Variants in ADGRL2 observed in about 807,000 individuals in gnomAD.
ADGRL2 encodes the protein adhesion G protein-coupled receptor L2.
In ADGRL2, 44 loss-of-function variants were observed where a neutral mutation model predicts 157.4. That is an observed-to-expected ratio of 0.28 (90% confidence interval 0.22 to 0.36). The LOEUF (loss-of-function observed/expected upper bound fraction) is 0.36, where lower values mean the gene tolerates loss of function less well. Ranked by LOEUF, ADGRL2 falls within the 10% of genes least tolerant of loss-of-function variation. The pLI, the probability that ADGRL2 is intolerant of heterozygous loss-of-function variation, is 1.00. For missense variants in ADGRL2, 1,510 were observed against 1,768.9 expected (o/e 0.85, Z 2.63); for synonymous variants, 585 against 624.7 (o/e 0.94, Z 0.95).
At chr1:81,556,832 C>T (rs1354411067) in intron 2 of ADGRL2, among the ~76,000 whole-genome samples, 11 of 151,840 alleles carry the variant, frequency 7.2e-5, no homozygotes, top group African/African-American at 2.7e-4. Flanking sequence ...AATCCCAGCA[C>T]TTTGGGAGGC....
intron 2 of ADGRL2, among the ~76,000 whole-genome samples, chr1:81,885,334 A>G (rs1186204762): frequency 1.3e-5 from 2 of 152,202 alleles, no homozygotes; most frequent in Non-Finnish European, 2.9e-5. Flanking sequence ...TTTAAAAAAA[A>G]TGTTTAACTT....
chr1:81,756,722 T>A (rs565076676), intron 1 of ADGRL2, among the ~76,000 whole-genome samples: 13 of 152,332 alleles, frequency 8.5e-5, no homozygotes, highest in Admixed American at 7.8e-4. Context: ...GTGATTTTTT[T>A]ATAGGCCAGC....
At chr1:81,929,265 G>T (rs958222411) in intron 3 of ADGRL2, among the ~76,000 whole-genome samples, 1 of 152,084 alleles carries the variant, frequency 6.6e-6, no homozygotes, top group African/African-American at 2.4e-5. Flanking sequence ...GCATCCTGTG[G>T]CCTGGAGACA....
chr1:81,522,305 G>T (rs905012751), intron 2 of ADGRL2, among the ~76,000 whole-genome samples: 1 of 152,040 alleles, frequency 6.6e-6, no homozygotes. Flanking sequence ...TAAAATCAGT[G>T]CTAGGAATTG....
intron 2 of ADGRL2, among the ~76,000 whole-genome samples, chr1:81,893,319 T>TTTGTTTTTTTTTTTTTTTTG (rs753014450): frequency 6.7e-6 from 1 of 150,250 alleles, no homozygotes; most frequent in Non-Finnish European, 1.5e-5. Context: ...CAATCCTGTC[T>TTTGTTTTTTTTTTTTTTTTG]TGTATTTTTC....
intron 2 of ADGRL2, among the ~76,000 whole-genome samples, chr1:81,883,642 C>T (rs1393746137): frequency 6.6e-6 from 1 of 152,170 alleles, no homozygotes; most frequent in Non-Finnish European, 1.5e-5. Context: ...CCTGATACTG[C>T]ACAGAACTTT....
intron 3 of ADGRL2, among the ~76,000 whole-genome samples, chr1:81,647,918 C>A (rs965151356): frequency 1.3e-5 from 2 of 152,168 alleles, no homozygotes; most frequent in Admixed American, 1.3e-4. Context: ...AGAAGCACGG[C>A]CCTGCTTTGG....
rs535522365 is a variant in ADGRL2, at chr1:81,746,913, CACGTATAT to C, written c.-142-14887_-142-14880del. On this transcript the variant is annotated intron_variant, in intron 1 of 20. Coordinates refer to the ADGRL2 transcript ENST00000359929. Reference sequence around the variant, plus strand: ...GTATACACGTATATACACACGTGCACACGTATATACGTATATACACACGTATACACATG... The same window carrying C: ...GTATACACGTATATACACACGTGCACACGTATATACACACGTATACACATG... Among the ~76,000 whole-genome samples the C allele has an allele frequency of 6.8e-4, 96 of 141,328 alleles. No individual in the cohort carries two copies. The South Asian group carries it at 0.02, about 30-fold the overall frequency. The allele number at this position is 141,328 out of a possible 152,430, so 92.7% of individuals were successfully genotyped here.
At chr1:81,593,183 T>C (rs2081167159) in intron 3 of ADGRL2, among the ~76,000 whole-genome samples, 1 of 152,172 alleles carries the variant, frequency 6.6e-6, no homozygotes, top group African/African-American at 2.4e-5. Context: ...GTGAACAGAA[T>C]GGAATGACAG....
chr1:81,851,598 A>G (rs2093007311), intron 2 of ADGRL2, among the ~76,000 whole-genome samples: 1 of 151,808 alleles, frequency 6.6e-6, no homozygotes, highest in Non-Finnish European at 1.5e-5. Context: ...CTGAAAATAT[A>G]TTACTTTTTT....
chr1:81,539,412 A>G (rs1261479090), intron 2 of ADGRL2, among the ~76,000 whole-genome samples: 2 of 152,244 alleles, frequency 1.3e-5, no homozygotes, highest in Non-Finnish European at 1.5e-5. Context: ...CTTCTAACAT[A>G]CCGCAGATAA....
Position 81,881,476 on chromosome 1 carries a change from G to A in ADGRL2, c.74-25541G>A, listed in dbSNP as rs141912993. Among the ~76,000 whole-genome samples the A allele has an allele frequency of 6.6e-5, 10 of 152,234 alleles. No homozygotes were observed. In the East Asian group the frequency reaches 1.7e-3, roughly 27 times the overall value. ...CAGGCGTGAGCCACCAAGCCTGGTC[G>A]TACTTCAAATATTAGTCCCATGTTC... On this transcript the variant is annotated intron_variant, in intron 2 of 23. Coordinates refer to ENST00000686636, the MANE Select transcript of ADGRL2 (RefSeq NM_001366006.2).
chr1:81,499,598 C>T (rs577110758), intron 2 of ADGRL2, among the ~76,000 whole-genome samples: 1 of 152,180 alleles, frequency 6.6e-6, no homozygotes, highest in East Asian at 1.9e-4. Context: ...CTTGTGAGAA[C>T]CCCACAGGCA....
At chr1:81,312,297 A>G (rs10158781) in intron 1 of ADGRL2, among the ~76,000 whole-genome samples, 16,320 of 152,256 alleles carry the variant, frequency 0.11, 1,033 homozygotes, top group Non-Finnish European at 0.13. Context: ...TCACCCAACC[A>G]ATGTGGAGGT....
At chr1:81,821,415 A>G (rs1286937963) in intron 1 of ADGRL2, among the ~76,000 whole-genome samples, 1 of 152,170 alleles carries the variant, frequency 6.6e-6, no homozygotes, top group Non-Finnish European at 1.5e-5. Context: ...TTAGTGGGTC[A>G]TTACATACCA....
intron 1 of ADGRL2, among the ~76,000 whole-genome samples, chr1:81,397,085 GC>G (rs760955820): frequency 9.9e-5 from 15 of 152,088 alleles, no homozygotes; most frequent in African/African-American, 3.4e-4. Context: ...GTATAATTCA[GC>G]AGTGAAGCCA....
intron 1 of ADGRL2, among the ~76,000 whole-genome samples, chr1:81,808,674 T>C (rs562259091): frequency 3.3e-5 from 5 of 152,212 alleles, no homozygotes; most frequent in African/African-American, 1.2e-4. Flanking sequence ...AAGATATAAA[T>C]AGGTTATTAT....
At chr1:81,800,751 C>G (rs2087921501), upstream of ADGRL2, among the ~76,000 whole-genome samples, 1 of 151,608 alleles carries the variant, frequency 6.6e-6, no homozygotes, top group Non-Finnish European at 1.5e-5. Context: ...GCGCGGAGGA[C>G]CCAGCGCGCA....
At chr1:81,618,605 G>C (rs1371474317) in intron 3 of ADGRL2, among the ~76,000 whole-genome samples, 1 of 152,126 alleles carries the variant, frequency 6.6e-6, no homozygotes, top group Non-Finnish European at 1.5e-5. Flanking sequence ...AAGTGTGACT[G>C]TTCACATAGC....
Sources: allele counts gnomAD v4.1 joint callset (sites outside exome capture counted in the v4.1 genomes callset), GRCh38; gene constraint gnomAD v4.1.1; transcripts MANE v1.5; gene names NCBI Gene and HGNC (gene_info 2026-07-23, HGNC 2026-07-21).